Variants in FAM20C observed in about 807,000 individuals in gnomAD.
FAM20C encodes the protein extracellular serine/threonine protein kinase FAM20C.
Under a neutral mutation model 51.5 loss-of-function variants are expected in FAM20C, and 40 were observed. The observed-to-expected ratio is 0.78, with a 90% CI of 0.60 to 1.01. FAM20C has a LOEUF of 1.01. FAM20C is among the 50% of genes least tolerant of loss of function. FAM20C has a pLI of 0.00. For missense variants in FAM20C, 861 were observed against 844.7 expected, an observed-to-expected ratio of 1.02 and a Z score of -0.24; for synonymous variants, 406 against 380.6, an observed-to-expected ratio of 1.07 and a Z score of -0.78.
At chr7:257,839 G>A (rs1788660129) in intron 8 of FAM20C, among the ~76,000 whole-genome samples, 1 of 128,644 alleles carries the variant, frequency 7.8e-6, no homozygotes, top group African/African-American at 3.0e-5. Context: ...GATGGGCAGG[G>A]TGGACCCACT....
At chr7:229,855 G>T (rs559975757) in intron 3 of FAM20C, among the ~76,000 whole-genome samples, 1 of 152,054 alleles carries the variant, frequency 6.6e-6, no homozygotes, top group Non-Finnish European at 1.5e-5. Context: ...TTTTGCCTCC[G>T]TGCCTTCATT....
At chr7:224,078 G>T (rs1787360666) in intron 3 of FAM20C, among the ~76,000 whole-genome samples, 1 of 148,630 alleles carries the variant, frequency 6.7e-6, no homozygotes, top group Non-Finnish European at 1.5e-5. Context: ...CCGTCACAGG[G>T]TCGCACGGCG....
intron 3 of FAM20C, among the ~76,000 whole-genome samples, chr7:213,742 C>T (rs774975154): frequency 1.5e-4 from 23 of 152,100 alleles, no homozygotes; most frequent in Non-Finnish European, 2.4e-4. Flanking sequence ...ACTGACTGTC[C>T]GTTTTCTGCA....
chr7:193,487 C>T lies in FAM20C; in HGVS notation c.288C>T (p.Ser96=). 3 of 1,502,064 alleles carry T rather than the reference C, an allele frequency of 2.0e-6. No homozygotes were observed. The highest frequency in any genetic ancestry group is 2.7e-6 in the Non-Finnish European group (3 of 1,122,146). 93.0% of individuals were successfully genotyped at this position (1,502,064 alleles called of 1,614,324 possible). Residue 96 remains serine, a synonymous_variant, in exon 1 of 10, where the codon TCC becomes TCT. Coordinates refer to ENST00000313766, the MANE Select transcript of FAM20C (RefSeq NM_020223.4). Reference sequence around the variant, plus strand: ...TCCGCATCCTGCAGGACTTCAGCTCCGACCCCTCCTCCAACCTCTCGTCCC... The same window carrying T: ...TCCGCATCCTGCAGGACTTCAGCTCTGACCCCTCCTCCAACCTCTCGTCCC... The part of the protein sequence containing the change: ...HTLRILQDFS[S]DPSSNLSSHS...
chr7:256,544 C>T, intron 6 of FAM20C, 110 bp from the exon 7 acceptor site: 1 of 886,862 alleles, frequency 1.1e-6, no homozygotes, highest in Non-Finnish European at 1.7e-6. Context: ...GCGGGTCCAT[C>T]TGCAGACGCC....
At chr7:210,599 C>A (rs533351774) in intron 3 of FAM20C, among the ~76,000 whole-genome samples, 1 of 152,202 alleles carries the variant, frequency 6.6e-6, no homozygotes, top group East Asian at 1.9e-4. Flanking sequence ...CCGCCTCCCA[C>A]CTGTGGGAGC....
intron 3 of FAM20C, among the ~76,000 whole-genome samples, chr7:233,979 G>A (rs1426594537): frequency 1.3e-5 from 2 of 152,202 alleles, no homozygotes; most frequent in African/African-American, 4.8e-5. Flanking sequence ...ACGGTGTTGG[G>A]GGCTGCAGGC....
intron 3 of FAM20C, among the ~76,000 whole-genome samples, chr7:216,628 TGTGA>T (rs1786979865): frequency 1.6e-5 from 1 of 62,436 alleles, no homozygotes; most frequent in Non-Finnish European, 3.2e-5. Flanking sequence ...TATGAGTGTG[TGTGA>T]GTGTGTGTGA....
chr7:223,065 A>G (rs1787311408), intron 3 of FAM20C, among the ~76,000 whole-genome samples: 1 of 151,938 alleles, frequency 6.6e-6, no homozygotes, highest in Admixed American at 6.6e-5. Flanking sequence ...ACACTCATGC[A>G]CGTGTGTGTA....
At chr7:222,206 T>C (rs1197050355) in intron 3 of FAM20C, among the ~76,000 whole-genome samples, 1 of 152,090 alleles carries the variant, frequency 6.6e-6, no homozygotes, top group Non-Finnish European at 1.5e-5. Flanking sequence ...GCAGCTGTGC[T>C]GTTGTGTTTT....
chr7:202,276 G>T (rs558652965), intron 2 of FAM20C, among the ~76,000 whole-genome samples: 1 of 151,290 alleles, frequency 6.6e-6, no homozygotes, highest in Non-Finnish European at 1.5e-5. Context: ...ACAGGTGGCT[G>T]CTGGGTGGGA....
At chr7:202,472 A>G (rs11980791) in intron 2 of FAM20C, among the ~76,000 whole-genome samples, 82,068 of 120,226 alleles carry the variant, frequency 0.68, 26,623 homozygotes, top group East Asian at 0.76. Flanking sequence ...ATATCTTCCC[A>G]TGTGCATAGA....
In FAM20C at chr7:256,335, C is replaced by T. The variant is rs145311836; in HGVS notation, c.1253+306C>T. ...CCTCTCCTCACTCCTGCGGGAGAAACGGCCCCTGTTCTTTCCGCCCCACGT... is the reference window on the plus strand; with the variant it reads ...CCTCTCCTCACTCCTGCGGGAGAAATGGCCCCTGTTCTTTCCGCCCCACGT... On this transcript the variant is annotated intron_variant, in intron 6 of 9. Coordinates refer to ENST00000313766, the MANE Select transcript of FAM20C (RefSeq NM_020223.4). 8,124 of 571,196 alleles carry T rather than the reference C, an allele frequency of 0.014. 269 individuals carry two copies. The highest frequency in any genetic ancestry group is 0.065 in the East Asian group (2,249 of 34,466). The allele number at this position is 571,196 out of a possible 1,614,324, so 35.4% of individuals were successfully genotyped here.
intron 3 of FAM20C, among the ~76,000 whole-genome samples, chr7:210,623 G>A (rs1282490922): frequency 1.3e-5 from 2 of 152,064 alleles, no homozygotes; most frequent in Non-Finnish European, 2.9e-5. Context: ...TTTCAGCCTC[G>A]CAAATGTTTC....
rs545879453 is a variant in FAM20C, at chr7:198,799, G to A, written c.784+3067G>A. Among the ~76,000 whole-genome samples the A allele has an allele frequency of 1.4e-4, 21 of 152,274 alleles. No individual in the cohort carries two copies. In the East Asian group the frequency reaches 2.9e-3, roughly 21 times the overall value. On this transcript the variant is annotated intron_variant, in intron 2 of 9. Coordinates refer to ENST00000313766, the MANE Select transcript of FAM20C (RefSeq NM_020223.4). ...TGGGGGAAGCTCTCCTACTGGGTGGGGTCTTTGTACAGCAGCAGCATTTCA... is the reference window on the plus strand; with the variant it reads ...TGGGGGAAGCTCTCCTACTGGGTGGAGTCTTTGTACAGCAGCAGCATTTCA...
intron 2 of FAM20C, among the ~76,000 whole-genome samples, chr7:199,202 T>G (rs370357638): frequency 1.3e-5 from 2 of 152,240 alleles, no homozygotes; most frequent in African/African-American, 4.8e-5. Flanking sequence ...CCCTTCTGAG[T>G]ACGAACTTCC....
Position 193,714 on chromosome 7 carries a change from T to A in FAM20C, c.515T>A (p.Val172Glu). 1 of 1,546,366 alleles carries A rather than the reference T, an allele frequency of 6.5e-7. No individual in the cohort carries two copies. The highest frequency in any genetic ancestry group is 8.7e-7 in the Non-Finnish European group (1 of 1,145,102). Residue 172 changes from valine to glutamate, a missense_variant, in exon 1 of 10, where the codon GTG (valine) becomes GAG (glutamate). Physicochemically the swap from Val to Glu is moderately radical, Grantham distance 121. Coordinates refer to ENST00000313766, the MANE Select transcript of FAM20C (RefSeq NM_020223.4). Reference sequence around the variant, plus strand: ...CTGTTCGAGCACCCGCTTTACCGGGTGGCGGTTCCGCCGCTCACGGAGGAG... The same window carrying A: ...CTGTTCGAGCACCCGCTTTACCGGGAGGCGGTTCCGCCGCTCACGGAGGAG... ...ARLFEHPLYR[V>E]AVPPLTEEDV...
At chr7:245,350 C>G (rs1196723658) in intron 3 of FAM20C, among the ~76,000 whole-genome samples, 1 of 152,334 alleles carries the variant, frequency 6.6e-6, no homozygotes, top group East Asian at 1.9e-4. Flanking sequence ...CTGGTAAATT[C>G]TTCCTGGATT....
At chr7:205,289 C>T (rs1279252356) in intron 2 of FAM20C, among the ~76,000 whole-genome samples, 5 of 145,454 alleles carry the variant, frequency 3.4e-5, no homozygotes, top group East Asian at 2.1e-4. Flanking sequence ...GCCGGGACCA[C>T]GGACACGCAC....
Sources: allele counts gnomAD v4.1 joint callset (sites outside exome capture counted in the v4.1 genomes callset), GRCh38; gene constraint gnomAD v4.1.1; transcripts MANE v1.5; gene names NCBI Gene and HGNC (gene_info 2026-07-23, HGNC 2026-07-21).